GLB1L3: variants seen among roughly 807,000 people sequenced by gnomAD.
GLB1L3 encodes beta-galactosidase-1-like protein 3.
A neutral mutation model predicts 89.5 loss-of-function variants in GLB1L3; 89 were observed. The ratio of observed to expected loss-of-function variants is 0.99; its 90% CI spans 0.84 to 1.19. GLB1L3 has a LOEUF of 1.19. GLB1L3 is among the 50% of genes most tolerant of loss of function. The pLI is 0.00. For synonymous variants in GLB1L3, 314 were observed against 312.3 expected, an observed-to-expected ratio of 1.01 and a Z score of -0.06; for missense variants, 812 against 813.3, an observed-to-expected ratio of 1.00 and a Z score of 0.02.
At chr11:134,300,968 G>A (rs753238504) in intron 9 of GLB1L3, among the ~76,000 whole-genome samples, 8 of 152,186 alleles carry the variant, frequency 5.3e-5, no homozygotes, top group South Asian at 4.1e-4. Context: ...GGATTCTCCC[G>A]AATCTCCCCT....
intron 9 of GLB1L3, among the ~76,000 whole-genome samples, chr11:134,296,922 A>T (rs1329594341): frequency 1.3e-5 from 2 of 151,894 alleles, no homozygotes; most frequent in Non-Finnish European, 2.9e-5. Flanking sequence ...ATAAATTCCC[A>T]TCAGGTCAAG....
chr11:134,300,286 T>C (rs759172759), intron 9 of GLB1L3, among the ~76,000 whole-genome samples: 15 of 151,924 alleles, frequency 9.9e-5, no homozygotes, highest in Non-Finnish European at 1.9e-4. Context: ...CCTCTTCTTA[T>C]AAGGACACCA....
chr11:134,319,129 T>C lies in GLB1L3; in HGVS notation c.*187T>C. ...GCCACCACGCCTGGCTAATTTTTTG[T>C]ATTTTTAGTAGAGATGGGGTTTCAC... On this transcript the variant is annotated 3_prime_UTR_variant, in exon 20 of 20. Coordinates refer to ENST00000431683, the MANE Select transcript of GLB1L3 (RefSeq NM_001080407.3). The C allele has an allele frequency of 1.8e-6, 1 of 544,854 alleles. No homozygotes were observed. Among genetic ancestry groups the C allele is most frequent in the Non-Finnish European group, 3.3e-6 (1 of 305,288 alleles). 33.8% of individuals were successfully genotyped at this position (544,854 alleles called of 1,614,324 possible).
downstream of GLB1L3, among the ~76,000 whole-genome samples, chr11:134,321,920 A>AT (rs1203420566): frequency 2.0e-5 from 3 of 148,374 alleles, no homozygotes; most frequent in Non-Finnish European, 4.4e-5. Context: ...AAGTATAATA[A>AT]AAAAAAAAGT....
intron 1 of GLB1L3, among the ~76,000 whole-genome samples, chr11:134,276,995 G>C (rs1004544291): frequency 4.4e-4 from 67 of 152,360 alleles, no homozygotes; most frequent in African/African-American, 1.5e-3. Context: ...ACGCAGGCCA[G>C]GGGCTCCAGC....
At chr11:134,322,980 A>G (rs1943184578), downstream of GLB1L3, among the ~76,000 whole-genome samples, 2 of 152,190 alleles carry the variant, frequency 1.3e-5, no homozygotes, top group Admixed American at 1.3e-4. Flanking sequence ...TAACTTTTCC[A>G]TAAAGCATTA....
In GLB1L3 at chr11:134,312,458, G is replaced by A. The variant is rs376238782; in HGVS notation, c.1397G>A (p.Arg466His). 37 of 1,612,920 alleles carry A rather than the reference G, an allele frequency of 2.3e-5. No homozygotes were observed. The highest frequency in any genetic ancestry group is 4.0e-5 in the African/African-American group (3 of 74,914). Residue 466 changes from arginine to histidine, a missense_variant, in exon 14 of 20, where the codon CGC (arginine) becomes CAC (histidine). Transcript: ENST00000431683. ...GAGAAGTCCATCTGCTCCGGAGGCC[G>A]CCTCCGTGCCCACGCTCATGACGTG... Reference protein sequence around the residue: ...LYEKSICSGGRLRAHAHDVAQ... With the variant: ...LYEKSICSGGHLRAHAHDVAQ...
intron 9 of GLB1L3, 111 bp downstream of exon 9, chr11:134,293,320 C>T (rs936383458): frequency 7.9e-6 from 7 of 886,284 alleles, no homozygotes; most frequent in Non-Finnish European, 8.8e-6. Context: ...CGCAGGTTTT[C>T]ACCCTGGGTC....
At chr11:134,284,894 G>C (rs74680874) in intron 6 of GLB1L3, among the ~76,000 whole-genome samples, 1,967 of 149,352 alleles carry the variant, frequency 0.013, 24 homozygotes, top group Middle Eastern at 0.047. Context: ...TACTCCTACA[G>C]ATGGGAAGAA....
At chr11:134,308,387 C>T (rs981000912) in intron 10 of GLB1L3, among the ~76,000 whole-genome samples, 1 of 59,502 alleles carries the variant, frequency 1.7e-5, no homozygotes, top group Non-Finnish European at 3.5e-5. Context: ...CCATCACCAC[C>T]ATCACCACCA....
intron 10 of GLB1L3, among the ~76,000 whole-genome samples, chr11:134,307,576 C>T (rs141368265): frequency 4.9e-4 from 74 of 152,302 alleles, no homozygotes; most frequent in African/African-American, 1.6e-3. Context: ...AATGTGACAT[C>T]TCTGAGGAAG....
intron 9 of GLB1L3, 110 bp from the exon 10 acceptor site, chr11:134,307,013 GA>G (rs2136194091): frequency 1.1e-5 from 8 of 712,268 alleles, no homozygotes; most frequent in South Asian, 3.8e-5. Context: ...TCTGAATTGG[GA>G]AAAAGGAGAA....
At chr11:134,314,615 A>G (rs1049989398) in intron 18 of GLB1L3, among the ~76,000 whole-genome samples, 174 bp downstream of exon 18, 2 of 152,196 alleles carry the variant, frequency 1.3e-5, no homozygotes, top group Non-Finnish European at 2.9e-5. Flanking sequence ...ATCACTGTTC[A>G]GAGAATAACA....
At chr11:134,282,926 T>C (rs1243892583) in intron 5 of GLB1L3, among the ~76,000 whole-genome samples, 1 of 152,222 alleles carries the variant, frequency 6.6e-6, no homozygotes, top group Non-Finnish European at 1.5e-5. Flanking sequence ...ATAGCTTGGC[T>C]GGAGGCCTGC....
chr11:134,305,657 A>C (rs1942171549), intron 9 of GLB1L3, among the ~76,000 whole-genome samples: 1 of 152,186 alleles, frequency 6.6e-6, no homozygotes, highest in Non-Finnish European at 1.5e-5. Flanking sequence ...AAGAGAAAAT[A>C]ATTAAATTAC....
chr11:134,290,389 G>A (rs1347124775), intron 7 of GLB1L3, among the ~76,000 whole-genome samples: 3 of 151,932 alleles, frequency 2.0e-5, no homozygotes, highest in African/African-American at 7.3e-5. Context: ...CCTGGCCAAC[G>A]TGTCAAAACT....
At chr11:134,309,379 G>A (rs746197646) in intron 10 of GLB1L3, among the ~76,000 whole-genome samples, 5 of 152,022 alleles carry the variant, frequency 3.3e-5, no homozygotes, top group Non-Finnish European at 5.9e-5. Flanking sequence ...ACAAAATGAT[G>A]TACAGCATAT....
Position 134,276,682 on chromosome 11 carries a change from G to T in GLB1L3, c.-59G>T, listed in dbSNP as rs2136096875. 1.5e-6 allele frequency: 2 copies of T among 1,370,868 alleles called. No homozygotes were observed. Among genetic ancestry groups the T allele is most frequent in the East Asian group, 3.1e-5 (1 of 31,810 alleles). 84.9% of individuals were successfully genotyped at this position (1,370,868 alleles called of 1,614,324 possible). A position where few individuals can be genotyped will look rare whatever the true frequency, so the allele number is the denominator to read the frequency against. On this transcript the variant is annotated 5_prime_UTR_variant, in exon 1 of 20. Transcript: ENST00000431683. ...CGAGTCCCGGCCCGAGCGCGGCGTCGGGGCCAGCGGAGAGGGGCGGAAGCC... is the reference window on the plus strand; with the variant it reads ...CGAGTCCCGGCCCGAGCGCGGCGTCTGGGCCAGCGGAGAGGGGCGGAAGCC...
chr11:134,308,291 C>T (rs1331390711), intron 10 of GLB1L3, among the ~76,000 whole-genome samples: 1 of 43,788 alleles, frequency 2.3e-5, no homozygotes, highest in African/African-American at 1.2e-4. Context: ...CAAATACCAC[C>T]ACCACCACCA....
Sources: gnomAD v4.1 joint callset for allele counts (sites outside exome capture counted in the v4.1 genomes callset) on GRCh38, gnomAD v4.1.1 for gene constraint, MANE v1.5 for transcripts, NCBI Gene and HGNC (gene_info 2026-07-23, HGNC 2026-07-21) for gene names.